The following CACNB2 variants were observed in gnomAD, a reference collection of about 807,000 sequenced individuals.
CACNB2 encodes voltage-dependent L-type calcium channel subunit beta-2.
In CACNB2, 42 loss-of-function variants were observed where a neutral mutation model predicts 73.3. The ratio of observed to expected loss-of-function variants is 0.57; its 90% CI spans 0.45 to 0.74. The LOEUF is 0.74. Ranked by LOEUF, CACNB2 falls within the 30% of genes least tolerant of loss-of-function variation. The pLI is 0.00. For synonymous variants in CACNB2, 348 were observed against 310.3 expected (o/e 1.12, Z -1.28); for missense variants, 940 against 853.0 (o/e 1.10, Z -1.27).
At chr10:18,493,391 C>T (rs558886550) in intron 3 of CACNB2, among the ~76,000 whole-genome samples, 42 of 152,304 alleles carry the variant, frequency 2.8e-4, no homozygotes, top group Non-Finnish European at 5.6e-4. Flanking sequence ...TGGTCTCAAA[C>T]TCCTGATCTC....
chr10:18,378,357 G>A (rs938327796), intron 2 of CACNB2, among the ~76,000 whole-genome samples: 13 of 152,154 alleles, frequency 8.5e-5, no homozygotes, highest in Non-Finnish European at 1.3e-4. Flanking sequence ...GACATTCTCT[G>A]CTTTTTATAA....
In CACNB2 at chr10:18,541,633, G is replaced by A. The variant is rs1004136859; in HGVS notation, c.*1909G>A. The A allele has an allele frequency of 3.3e-5, 5 of 152,180 alleles. No individual in the cohort carries two copies. The highest frequency in any genetic ancestry group is 1.2e-4 in the African/African-American group (5 of 41,424). 9.4% of individuals were successfully genotyped at this position (152,180 alleles called of 1,614,324 possible). A position where few individuals can be genotyped will look rare whatever the true frequency, so the allele number is the denominator to read the frequency against. On this transcript the variant is annotated 3_prime_UTR_variant, in exon 14 of 14. Transcript: ENST00000324631. ...CCCAGCAATTTGGGAGGCTGAGGAG[G>A]GTGGATCACCTGAGGTCAGGAGTTC...
intron 2 of CACNB2, among the ~76,000 whole-genome samples, chr10:18,184,266 A>G (rs1193468826): frequency 6.6e-6 from 1 of 152,216 alleles, no homozygotes; most frequent in African/African-American, 2.4e-5. Flanking sequence ...CTACAGTTCT[A>G]TTTCTGAGGC....
chr10:18,299,067 TAA>T (rs71402154), intron 2 of CACNB2, among the ~76,000 whole-genome samples: 18,397 of 120,880 alleles, frequency 0.15, 1,417 homozygotes, highest in South Asian at 0.23. Context: ...TAAAGTATAC[TAA>T]AAAAAAAAAA....
Position 18,407,417 on chromosome 10 carries a change from C to T in CACNB2, c.333+5374C>T, listed in dbSNP as rs116589716. On this transcript the variant is annotated intron_variant, in intron 3 of 13. Transcript: ENST00000324631. Reference sequence around the variant, plus strand: ...GCTTACAGATGTGGCCCACCATGCCCGGCCTGTTCTGTCTTTAAGTTTTTG... The same window carrying T: ...GCTTACAGATGTGGCCCACCATGCCTGGCCTGTTCTGTCTTTAAGTTTTTG... Among the ~76,000 whole-genome samples, 740 of 151,938 alleles carry T rather than the reference C, an allele frequency of 4.9e-3. 6 individuals carry two copies. Among genetic ancestry groups the T allele is most frequent in the African/African-American group, 0.014 (573 of 41,454 alleles).
At chr10:18,532,147 C>T (rs891960469) in intron 10 of CACNB2, among the ~76,000 whole-genome samples, 17 of 152,096 alleles carry the variant, frequency 1.1e-4, no homozygotes, top group African/African-American at 3.1e-4. Flanking sequence ...AATTTGTCAT[C>T]GATTCTTAAG....
At chr10:18,307,395 G>T (rs948756123) in intron 2 of CACNB2, among the ~76,000 whole-genome samples, 3 of 152,202 alleles carry the variant, frequency 2.0e-5, no homozygotes, top group African/African-American at 4.8e-5. Context: ...CTGAAAGGTG[G>T]AGGTTGTGGC....
intron 3 of CACNB2, among the ~76,000 whole-genome samples, chr10:18,411,685 T>G (rs2044638204): frequency 6.6e-6 from 1 of 151,998 alleles, no homozygotes; most frequent in Non-Finnish European, 1.5e-5. Flanking sequence ...TTTTTGTATT[T>G]TAAGTAGAGA....
chr10:18,377,315 T>A (rs2042840649), intron 2 of CACNB2, among the ~76,000 whole-genome samples: 1 of 152,222 alleles, frequency 6.6e-6, no homozygotes, highest in Admixed American at 6.5e-5. Flanking sequence ...GATACCAATA[T>A]TACCAATATG....
intron 1 of CACNB2, among the ~76,000 whole-genome samples, chr10:18,148,671 T>C (rs2031229468): frequency 6.6e-6 from 1 of 152,110 alleles, no homozygotes; most frequent in South Asian, 2.1e-4. Flanking sequence ...ACAATAGAAT[T>C]GCGAAGATAC....
chr10:18,387,096 G>C (rs1166591424), intron 2 of CACNB2, among the ~76,000 whole-genome samples: 1 of 152,154 alleles, frequency 6.6e-6, no homozygotes, highest in African/African-American at 2.4e-5. Flanking sequence ...TCTCAGAGCC[G>C]TCATCTTGGT....
At chr10:18,317,106 A>C (rs1589026114) in intron 2 of CACNB2, among the ~76,000 whole-genome samples, 6 of 144,226 alleles carry the variant, frequency 4.2e-5, no homozygotes, top group South Asian at 2.3e-4. Context: ...TCCCCACACC[A>C]CCCCCTGCCC....
intron 3 of CACNB2, among the ~76,000 whole-genome samples, chr10:18,494,840 T>A (rs1369665729): frequency 6.6e-6 from 1 of 151,910 alleles, no homozygotes; most frequent in Non-Finnish European, 1.5e-5. Context: ...GGGGGAGGAT[T>A]ACTTGAGGCC....
intron 2 of CACNB2, among the ~76,000 whole-genome samples, chr10:18,380,791 T>G (rs1394677347): frequency 6.6e-6 from 1 of 151,930 alleles, no homozygotes; most frequent in African/African-American, 2.4e-5. Flanking sequence ...TAGAGAAAGA[T>G]GCATCATAAT....
chr10:18,515,192 G>A (rs1325032712), intron 7 of CACNB2: 1 of 708,066 alleles, frequency 1.4e-6, no homozygotes, highest in East Asian at 2.7e-5. Context: ...TACACAGCGA[G>A]GCTCCTTGTC....
chr10:18,426,123 A>AAAAAAG (rs1257515300), intron 3 of CACNB2, among the ~76,000 whole-genome samples: 3 of 152,214 alleles, frequency 2.0e-5, no homozygotes, highest in African/African-American at 7.2e-5. Context: ...AAGTCCAACA[A>AAAAAAG]AAAAAGAAAA....
At chr10:18,339,556 A>G (rs1175072261) in intron 2 of CACNB2, among the ~76,000 whole-genome samples, 1 of 152,166 alleles carries the variant, frequency 6.6e-6, no homozygotes, top group African/African-American at 2.4e-5. Flanking sequence ...CACCAACAGT[A>G]TGTGAAAGTC....
At chr10:18,199,550 G>A (rs1564338003) in intron 2 of CACNB2, among the ~76,000 whole-genome samples, 1 of 152,118 alleles carries the variant, frequency 6.6e-6, no homozygotes, top group Non-Finnish European at 1.5e-5. Context: ...TAGCATGGTT[G>A]GAGTGCACTG....
At chr10:18,293,791 G>T (rs1353688691) in intron 2 of CACNB2, among the ~76,000 whole-genome samples, 1 of 152,166 alleles carries the variant, frequency 6.6e-6, no homozygotes, top group Middle Eastern at 3.2e-3. Context: ...CAGTCATTTG[G>T]TTGGTGTGTG....
Sources: gnomAD v4.1 joint callset for allele counts (sites outside exome capture counted in the v4.1 genomes callset) on GRCh38, gnomAD v4.1.1 for gene constraint, MANE v1.5 for transcripts, NCBI Gene and HGNC (gene_info 2026-07-23, HGNC 2026-07-21) for gene names.